The following ADAMTS9 variants were observed in gnomAD, a reference collection of about 807,000 sequenced individuals.
ADAMTS9 encodes A disintegrin and metalloproteinase with thrombospondin motifs 9.
ADAMTS9 carries 107 observed loss-of-function variants against 257.1 expected under a neutral mutation model. That is an observed-to-expected ratio of 0.42 (90% confidence interval 0.36 to 0.49). The LOEUF (loss-of-function observed/expected upper bound fraction) is 0.49, where lower values mean the gene tolerates loss of function less well. Among genes scored for constraint, ADAMTS9 ranks in the 20% least tolerant of loss-of-function variants. The pLI is 0.03. For missense variants in ADAMTS9, 2,353 were observed against 2,469.1 expected (o/e 0.95, Z 1.00); for synonymous variants, 982 against 880.9 (o/e 1.11, Z -2.03).
intron 28 of ADAMTS9, among the ~76,000 whole-genome samples, chr3:64,584,616 T>C (rs909283370): frequency 1.3e-5 from 2 of 152,282 alleles, no homozygotes; most frequent in East Asian, 1.9e-4. Context: ...TACATTTGTT[T>C]CTTTAAGAAA....
At chr3:64,559,955 A>C (rs539811880) in intron 30 of ADAMTS9, among the ~76,000 whole-genome samples, 2 of 152,328 alleles carry the variant, frequency 1.3e-5, no homozygotes, top group African/African-American at 4.8e-5. Flanking sequence ...TCTGAAAAAA[A>C]GAGAATCAAG....
intron 37 of ADAMTS9, among the ~76,000 whole-genome samples, chr3:64,533,952 G>A (rs1443502173): frequency 6.6e-6 from 1 of 152,178 alleles, no homozygotes; most frequent in African/African-American, 2.4e-5. Flanking sequence ...AAGAGACGGT[G>A]CAGCAGAAAG....
chr3:64,618,993 C>T (rs550286142), intron 19 of ADAMTS9, among the ~76,000 whole-genome samples: 1 of 152,144 alleles, frequency 6.6e-6, no homozygotes, highest in African/African-American at 2.4e-5. Context: ...TTGGAATCTG[C>T]TCAAAGTGAA....
chr3:64,621,487 C>A (rs1700103361), intron 18 of ADAMTS9, among the ~76,000 whole-genome samples: 1 of 152,068 alleles, frequency 6.6e-6, no homozygotes, highest in African/African-American at 2.4e-5. Context: ...GTAGGCCGGG[C>A]ACAGTGGCTC....
rs1434747240 is a variant in ADAMTS9 at position 64,617,099 on chromosome 3, G to A, written c.2814-929C>T. Among the ~76,000 whole-genome samples, 8 of 152,120 alleles carry A rather than the reference G, an allele frequency of 5.3e-5. No homozygotes were observed. The South Asian group carries it at 6.2e-4, about 12-fold the overall frequency. ...TATTTGGGGGATTTTGTTCTAACCC[G>A]GAACATGTTCAATGAGAAATTGTAA... On this transcript the variant is annotated intron_variant, in intron 19 of 39. Transcript: ENST00000498707.
At chr3:64,640,854 G>A (rs1304967353) in intron 12 of ADAMTS9, among the ~76,000 whole-genome samples, 2 of 151,596 alleles carry the variant, frequency 1.3e-5, no homozygotes, top group East Asian at 3.9e-4. Context: ...GCCCATGTCT[G>A]CTATGACAAA....
chr3:64,687,117 G>A lies in ADAMTS9; in HGVS notation c.116-149C>T. 1 of 962,848 alleles carries A rather than the reference G, an allele frequency of 1.0e-6. No homozygotes were observed. The highest frequency in any genetic ancestry group is 1.5e-6 in the Non-Finnish European group (1 of 660,728). The allele number at this position is 962,848 out of a possible 1,614,324, so 59.6% of individuals were successfully genotyped here. A position where few individuals can be genotyped will look rare whatever the true frequency, so the allele number is the denominator to read the frequency against. On this transcript the variant is annotated intron_variant, in intron 1 of 39. Transcript: ENST00000498707. This position sits in a 1 kb window ranked among gnomAD's most constrained non-coding sequence, Gnocchi z 4.4. Reference sequence around the variant, plus strand: ...CTTAATCAGTGGACAAATATTTGCTGAGCACCTACTATGTGCCAGTAACAG... The same window carrying A: ...CTTAATCAGTGGACAAATATTTGCTAAGCACCTACTATGTGCCAGTAACAG...
intron 28 of ADAMTS9, among the ~76,000 whole-genome samples, chr3:64,576,574 G>C (rs543609565): frequency 1.3e-5 from 2 of 152,324 alleles, no homozygotes; most frequent in Admixed American, 6.5e-5. Flanking sequence ...TGTTGACAAG[G>C]CCTGCCTGAT....
At chr3:64,588,645 G>A (rs1280319817) in intron 28 of ADAMTS9, 1 of 151,926 alleles carries the variant, frequency 6.6e-6, no homozygotes, top group Non-Finnish European at 1.5e-5. Context: ...AGAGGACCTG[G>A]ACTCCTCCTC....
chr3:64,677,299 A>G (rs1373520587), intron 3 of ADAMTS9, among the ~76,000 whole-genome samples: 4 of 152,214 alleles, frequency 2.6e-5, no homozygotes, highest in Non-Finnish European at 5.9e-5. Flanking sequence ...ATGAAAAGAC[A>G]AATAAATGCA....
intron 9 of ADAMTS9, 54 bp from the exon 10 acceptor site, chr3:64,649,832 T>TC: frequency 6.4e-7 from 1 of 1,563,620 alleles, no homozygotes; most frequent in Non-Finnish European, 8.7e-7. Flanking sequence ...TGTCAAGGTC[T>TC]CCCCCAGGTA....
chr3:64,530,915 C>T (rs1308572533), intron 38 of ADAMTS9, among the ~76,000 whole-genome samples: 1 of 151,884 alleles, frequency 6.6e-6, no homozygotes, highest in African/African-American at 2.4e-5. Context: ...TAAAAATATA[C>T]GATTTTTATT....
At chr3:64,518,675 A>T (rs1312617195) in intron 39 of ADAMTS9, among the ~76,000 whole-genome samples, 1 of 151,490 alleles carries the variant, frequency 6.6e-6, no homozygotes, top group Non-Finnish European at 1.5e-5. Context: ...CATGAGTAAC[A>T]GGGGTGTGGC....
At chr3:64,577,763 C>A (rs2106727024) in intron 28 of ADAMTS9, among the ~76,000 whole-genome samples, 1 of 152,306 alleles carries the variant, frequency 6.6e-6, no homozygotes, top group African/African-American at 2.4e-5. Context: ...CTTCAGCCAC[C>A]TTCTGAAATG....
chr3:64,539,269 T>C lies in ADAMTS9; in HGVS notation c.5547A>G (p.Thr1849=), dbSNP rs2083090908. 19 of 1,613,956 alleles carry C rather than the reference T, an allele frequency of 1.2e-5. No homozygotes were observed. Among genetic ancestry groups the C allele is most frequent in the Non-Finnish European group, 1.6e-5 (19 of 1,179,974 alleles). The change falls in exon 37 of 40, where the codon ACA becomes ACG. Residue 1849 remains threonine, a synonymous_variant. Coordinates refer to ENST00000498707, the MANE Select transcript of ADAMTS9 (RefSeq NM_182920.2). The part of the protein sequence containing the change: ...IITTDLQFAR[T]SEGHPVPFAT... ...CAAAAGGGACGGGATGTCCTTCGCTTGTCCTTGCAAACTGTAAGTCAGTGG... is the reference window on the plus strand; with the variant it reads ...CAAAAGGGACGGGATGTCCTTCGCTCGTCCTTGCAAACTGTAAGTCAGTGG...
chr3:64,649,821 C>T, intron 9 of ADAMTS9, 43 bp from the exon 10 acceptor site: 1 of 1,579,214 alleles, frequency 6.3e-7, no homozygotes, highest in Non-Finnish European at 8.6e-7. Context: ...AGAACGGTGG[C>T]TGTCAAGGTC....
intron 37 of ADAMTS9, among the ~76,000 whole-genome samples, chr3:64,533,967 T>C (rs917536550): frequency 1.3e-5 from 2 of 152,186 alleles, no homozygotes; most frequent in Non-Finnish European, 2.9e-5. Flanking sequence ...AGAAAGACCC[T>C]CTCGCTGCTT....
chr3:64,676,863 G>A (rs1576186165), intron 3 of ADAMTS9, among the ~76,000 whole-genome samples: 1 of 152,304 alleles, frequency 6.6e-6, no homozygotes, highest in East Asian at 1.9e-4. Context: ...TGCTGAGATG[G>A]GAAGGTGAGG....
intron 29 of ADAMTS9, among the ~76,000 whole-genome samples, chr3:64,565,980 A>G (rs970688464): frequency 6.6e-6 from 1 of 152,222 alleles, no homozygotes. Context: ...TAGCATGGCT[A>G]TTGTAGTTTC....
Sources: gnomAD v4.1 joint callset for allele counts (sites outside exome capture counted in the v4.1 genomes callset) on GRCh38, gnomAD v4.1.1 for gene constraint, Gnocchi (gnomAD v3.1) non-coding constraint, MANE v1.5 for transcripts, NCBI Gene and HGNC (gene_info 2026-07-23, HGNC 2026-07-21) for gene names.